SLC13A3: variants seen among roughly 807,000 people sequenced by gnomAD.
SLC13A3 encodes Na(+)/dicarboxylate cotransporter 3.
In SLC13A3, 40 loss-of-function variants were observed where a neutral mutation model predicts 59.0. The ratio of observed to expected loss-of-function variants is 0.68; its 90% confidence interval spans 0.53 to 0.88. The LOEUF is 0.88. Among genes scored for constraint, SLC13A3 ranks in the 40% least tolerant of loss-of-function variants. The pLI, the probability that SLC13A3 is intolerant of heterozygous loss-of-function variation, is 0.00. For missense variants in SLC13A3, 699 were observed against 783.2 expected (o/e 0.89, Z 1.28); for synonymous variants, 317 against 330.3 (o/e 0.96, Z 0.44).
intron 4 of SLC13A3, among the ~76,000 whole-genome samples, chr20:46,599,669 T>C (rs1430720915): frequency 1.3e-5 from 2 of 152,196 alleles, no homozygotes; most frequent in Non-Finnish European, 2.9e-5. Context: ...TGTCATGCAG[T>C]TTGTGCTATC....
chr20:46,578,147 G>T (rs574883936), intron 9 of SLC13A3, among the ~76,000 whole-genome samples: 1 of 151,598 alleles, frequency 6.6e-6, no homozygotes, highest in South Asian at 2.1e-4. Flanking sequence ...CTCCAGGATG[G>T]TCTCGATCTC....
Position 46,658,045 on chromosome 20 carries a change from C to T in SLC13A3, c.-31+11998G>A, listed in dbSNP as rs1210612406. Among the ~76,000 whole-genome samples the T allele has an allele frequency of 4.6e-5, 7 of 152,028 alleles. No homozygotes were observed. The East Asian group carries it at 1.4e-3, about 29-fold the overall frequency. ...CTGGGGAGTGCTGGGAGTTCTAGCT[C>T]CCATCAGCCCTCTCCTGATACCTCC... On this transcript the variant is annotated intron_variant, in intron 1 of 12. Coordinates refer to the SLC13A3 transcript ENST00000290317.
chr20:46,652,289 T>C (rs1485887268), upstream of SLC13A3, among the ~76,000 whole-genome samples: 1 of 152,258 alleles, frequency 6.6e-6, no homozygotes, highest in Non-Finnish European at 1.5e-5. Context: ...TGTTAGGAAG[T>C]TTAAATGAGA....
At chr20:46,670,745 A>T (rs1444832920), upstream of SLC13A3, among the ~76,000 whole-genome samples, 2 of 152,192 alleles carry the variant, frequency 1.3e-5, no homozygotes, top group East Asian at 3.9e-4. Flanking sequence ...GAGCCCAGTC[A>T]ATCATGGAAT....
intron 1 of SLC13A3, among the ~76,000 whole-genome samples, chr20:46,631,626 G>A (rs566002136): frequency 1.7e-4 from 26 of 152,102 alleles, no homozygotes; most frequent in Non-Finnish European, 3.1e-4. Flanking sequence ...ACTCAGCCCC[G>A]CTCACACCCA....
chr20:46,659,600 A>G (rs2063014675), intron 1 of SLC13A3, among the ~76,000 whole-genome samples: 1 of 151,832 alleles, frequency 6.6e-6, no homozygotes, highest in African/African-American at 2.4e-5. Flanking sequence ...CTGTAGTCCC[A>G]GCTACCGGGG....
intron 8 of SLC13A3, among the ~76,000 whole-genome samples, chr20:46,586,364 A>T: frequency 6.6e-6 from 1 of 151,888 alleles, no homozygotes; most frequent in East Asian, 1.9e-4. Context: ...CTCACTCACC[A>T]TCTCTCTGTT....
chr20:46,636,185 C>T (rs2062793724), intron 1 of SLC13A3, among the ~76,000 whole-genome samples: 1 of 152,134 alleles, frequency 6.6e-6, no homozygotes, highest in Non-Finnish European at 1.5e-5. Flanking sequence ...GTGGACTCAC[C>T]CCGAATCCTT....
At chr20:46,627,624 CA>C (rs3092227) in intron 1 of SLC13A3, among the ~76,000 whole-genome samples, 2 of 147,534 alleles carry the variant, frequency 1.4e-5, no homozygotes, top group African/African-American at 2.5e-5. Flanking sequence ...GTGGGCCAAT[CA>C]AAAAAAAAAC....
chr20:46,625,582 C>T (rs926013317), intron 1 of SLC13A3, among the ~76,000 whole-genome samples: 2 of 152,222 alleles, frequency 1.3e-5, no homozygotes, highest in African/African-American at 4.8e-5. Context: ...AGGACATTTA[C>T]ATCTCCCCAG....
At chr20:46,575,481 C>A in intron 10 of SLC13A3, 92 bp downstream of exon 10, 1 of 666,572 alleles carries the variant, frequency 1.5e-6, no homozygotes, top group South Asian at 2.3e-5. Context: ...TGCAGCTCAC[C>A]TGCTCTGATC....
chr20:46,613,740 G>A lies in SLC13A3; in HGVS notation c.112-15C>T. 6.3e-7 allele frequency: 1 copy of A among 1,583,322 alleles called. No homozygotes were observed. The highest frequency in any genetic ancestry group is 8.6e-7 in the Non-Finnish European group (1 of 1,163,372). On this transcript the variant is annotated splice_polypyrimidine_tract_variant and intron_variant, in intron 1 of 12. Transcript: ENST00000279027. ...CAGCGGCCTTCCTGCAGGAGGAGAT[G>A]CATGCTCAGAGGGTCAGCGGGGCTC...
chr20:46,595,449 G>T (rs1450563431), intron 5 of SLC13A3, among the ~76,000 whole-genome samples: 1 of 152,030 alleles, frequency 6.6e-6, no homozygotes, highest in East Asian at 1.9e-4. Flanking sequence ...CCAGGGGTGG[G>T]GAGACTTTAG....
chr20:46,588,575 C>G (rs1043304966), intron 7 of SLC13A3, among the ~76,000 whole-genome samples: 12 of 151,828 alleles, frequency 7.9e-5, no homozygotes, highest in Non-Finnish European at 1.2e-4. Context: ...GAGAGAGAGA[C>G]AGAAAAACAC....
rs1568947544 is a variant in SLC13A3, at chr20:46,632,902, T to TATATAGAC, written c.111+18408_111+18409insGTCTATAT. 2.5e-3 allele frequency among the ~76,000 whole-genome samples: 125 copies of TATATAGAC among 50,696 alleles called. 1 individual carries two copies. The highest frequency in any genetic ancestry group is 9.0e-3 in the African/African-American group (114 of 12,616). The allele number at this position is 50,696 out of a possible 152,430, so 33.3% of individuals were successfully genotyped here. On this transcript the variant is annotated intron_variant, in intron 1 of 12. Transcript: ENST00000279027. ...ATAGATAGATAGATAGATAGATAGA[T>TATATAGAC]AGATAGATATATCTATCTATCTATC...
intron 2 of SLC13A3, among the ~76,000 whole-genome samples, chr20:46,612,146 T>TTTTTG (rs1276100136): frequency 7.5e-5 from 11 of 147,512 alleles, no homozygotes; most frequent in African/African-American, 2.3e-4. Context: ...TTTTTTTTTT[T>TTTTTG]TGAGACAGGG....
chr20:46,642,869 G>C (rs1453401834), intron 1 of SLC13A3, among the ~76,000 whole-genome samples: 4 of 152,044 alleles, frequency 2.6e-5, no homozygotes, highest in African/African-American at 9.7e-5. Context: ...CAGGAGTCTG[G>C]AAGTCAGCCT....
Position 46,560,033 on chromosome 20 carries a change from G to A in SLC13A3, c.1798C>T (p.Arg600Trp), listed in dbSNP as rs541469278. 16 of 1,614,084 alleles carry A rather than the reference G, an allele frequency of 9.9e-6. No homozygotes were observed. The highest frequency in any genetic ancestry group is 2.7e-5 in the African/African-American group (2 of 75,040). ...TCCTCCAGGGGGACTCAGAGGGTCCGAAATGTGTCATTGGCCAAGGTGGGT... is the reference window on the plus strand; with the variant it reads ...TCCTCCAGGGGGACTCAGAGGGTCCAAAATGTGTCATTGGCCAAGGTGGGT... ...LPPTLANDTF[R>W]TL The change falls in exon 13 of 13, where the codon CGG becomes TGG. Residue 600 changes from arginine (R) to tryptophan (W), a missense_variant. By Grantham distance (101) the Arg-to-Trp change is moderately radical. Coordinates refer to ENST00000279027, the MANE Select transcript of SLC13A3 (RefSeq NM_022829.6).
intron 3 of SLC13A3, chr20:46,600,461 AAAAG>A (rs2122710273): frequency 5.5e-6 from 1 of 182,816 alleles, no homozygotes; most frequent in South Asian, 1.4e-4. Context: ...AAGGAAAAAG[AAAAG>A]AAAGGTCATT....
Sources: allele counts gnomAD v4.1 joint callset (sites outside exome capture counted in the v4.1 genomes callset), GRCh38; gene constraint gnomAD v4.1.1; transcripts MANE v1.5; gene names NCBI Gene and HGNC (gene_info 2026-07-23, HGNC 2026-07-21).